The following MSH6 variants were observed in gnomAD, a reference collection of about 807,000 sequenced individuals.
The protein encoded by MSH6 is DNA mismatch repair protein Msh6.
MSH6 carries 85 observed loss-of-function variants against 119.1 expected under a neutral mutation model. The ratio of observed to expected loss-of-function variants is 0.71; its 90% CI spans 0.60 to 0.85. The LOEUF (loss-of-function observed/expected upper bound fraction) is 0.85. MSH6 is among the 40% of genes least tolerant of loss of function. MSH6 has a pLI of 0.00. For synonymous variants in MSH6, 830 were observed against 586.9 expected, an observed-to-expected ratio of 1.41 and a Z score of -5.99; for missense variants, 2,163 against 1,655.3, an observed-to-expected ratio of 1.31 and a Z score of -5.32.
At chr2:47,808,434 A>C (rs548944255), downstream of MSH6, 9 of 1,576,256 alleles carry the variant, frequency 5.7e-6, no homozygotes, top group Non-Finnish European at 6.9e-6. Context: ...ACATCTAAAA[A>C]GCAAAAGCTT....
chr2:47,793,417 C>T (rs1558654349), intron 2 of MSH6, among the ~76,000 whole-genome samples: 1 of 148,782 alleles, frequency 6.7e-6, no homozygotes, highest in Non-Finnish European at 1.5e-5. Context: ...ATCACGAGGT[C>T]AGGCGTTCGA....
intron 2 of MSH6, among the ~76,000 whole-genome samples, chr2:47,795,314 A>G (rs1178718444): frequency 2.0e-5 from 3 of 151,944 alleles, no homozygotes; most frequent in Admixed American, 6.6e-5. Context: ...TTATTGATCT[A>G]TCTATATCAA....
chr2:47,808,101 T>A (rs1342162263), downstream of MSH6: 7 of 1,593,224 alleles, frequency 4.4e-6, no homozygotes, highest in Middle Eastern at 1.7e-4. Context: ...GCAGGACTTT[T>A]TCTTTAGGGA....
At position 47,791,142 on chromosome 2, in the gene MSH6, ATG is replaced by A. The variant is rs754767434; in HGVS notation, c.457+29_457+30del. On this transcript the variant is annotated intron_variant, in intron 2 of 9. Transcript: ENST00000234420. ...TATACAGGTAAGAGTCACTACTGCC[ATG>A]TGTGTGTGTTTGTGTGTGTGTGTGT... 3.7e-6 allele frequency: 6 copies of A among 1,602,202 alleles called. No individual in the cohort carries two copies. Among genetic ancestry groups the A allele is most frequent in the East Asian group, 2.2e-5 (1 of 44,824 alleles).
At chr2:47,809,151 A>T (rs370587312), downstream of MSH6, 6 of 1,499,938 alleles carry the variant, frequency 4.0e-6, no homozygotes, top group African/African-American at 8.4e-5. Flanking sequence ...ATATATTTCT[A>T]AGTTACCTGT....
intron 5 of MSH6, 32 bp downstream of exon 5, chr2:47,803,717 A>C: frequency 1.2e-6 from 2 of 1,613,704 alleles, no homozygotes; most frequent in African/African-American, 1.3e-5. Context: ...GTTATCAGAA[A>C]GTCATTTGTG....
At position 47,798,759 on chromosome 2, in the gene MSH6, G is replaced by A. The variant is rs1404814811; in HGVS notation, c.776G>A (p.Gly259Asp). The A allele has an allele frequency of 1.2e-6, 2 of 1,614,064 alleles. No individual in the cohort carries two copies. The highest frequency in any genetic ancestry group is 2.7e-5 in the African/African-American group (2 of 74,924). Residue 259 changes from glycine to aspartate, a missense_variant, in exon 4 of 10, where the codon GGT (glycine) becomes GAT (aspartate). Physicochemically the swap from Gly to Asp is moderately conservative, Grantham distance 94 (BLOSUM62 -1). Coordinates refer to ENST00000234420, the MANE Select transcript of MSH6 (RefSeq NM_000179.3). ...ATATCAGATTCTGAGAGTGACATTG[G>A]TGGCTCTGATGTGGAATTTAAGCCA... ...RVISDSESDI[G>D]GSDVEFKPDT... is the part of the protein sequence containing the mutation.
chr2:47,787,726 C>G (rs933492796), intron 1 of MSH6, among the ~76,000 whole-genome samples: 1 of 152,168 alleles, frequency 6.6e-6, no homozygotes, highest in African/African-American at 2.4e-5. Context: ...AAGTGATCCT[C>G]CCACCTCAGC....
At chr2:47,804,548 AAAG>A (rs58243978) in intron 5 of MSH6, among the ~76,000 whole-genome samples, 188 of 92,600 alleles carry the variant, frequency 2.0e-3, no homozygotes, top group Middle Eastern at 0.011. Context: ...AAAAAAAAAA[AAAG>A]GTGCAGAGAT....
At chr2:47,809,805 G>A, downstream of MSH6, 1 of 736,868 alleles carries the variant, frequency 1.4e-6, no homozygotes, top group Admixed American at 2.3e-5. Context: ...TTTTATAGAA[G>A]TACATTAACC....
At chr2:47,792,765 C>G (rs975337149) in intron 2 of MSH6, among the ~76,000 whole-genome samples, 3 of 151,656 alleles carry the variant, frequency 2.0e-5, no homozygotes, top group Admixed American at 6.6e-5. Flanking sequence ...CTCCTGGGCT[C>G]AAGTGATTCC....
At chr2:47,809,787 A>G, downstream of MSH6, 1 of 880,264 alleles carries the variant, frequency 1.1e-6, no homozygotes, top group Admixed American at 2.1e-5. Context: ...GCAAATGTAA[A>G]CTGCTTCTTT....
At chr2:47,792,868 T>C (rs891520610) in intron 2 of MSH6, among the ~76,000 whole-genome samples, 1 of 142,504 alleles carries the variant, frequency 7.0e-6, no homozygotes, top group Non-Finnish European at 1.6e-5. Context: ...TTTTTTTTTT[T>C]TTAAAGAGAT....
chr2:47,792,214 T>G (rs753086992), intron 2 of MSH6, among the ~76,000 whole-genome samples: 1 of 152,128 alleles, frequency 6.6e-6, no homozygotes, highest in Non-Finnish European at 1.5e-5. Context: ...GTCTCCAACT[T>G]CTGACCTCAG....
chr2:47,783,477 C>A lies in MSH6; in HGVS notation c.244C>A (p.Pro82Thr), dbSNP rs2103944233. The A allele has an allele frequency of 7.0e-7, 1 of 1,435,576 alleles. No individual in the cohort carries two copies. 88.9% of individuals were successfully genotyped at this position (1,435,576 alleles called of 1,614,324 possible). A position where few individuals can be genotyped will look rare whatever the true frequency, so the allele number is the denominator to read the frequency against. ...LNGGLRRSVA[P>T]AAPTSCDFSP... ...CGGAGGGCTGCGGAGATCGGTAGCG[C>A]CTGCTGCCCCCACCAGGTAGCGGGG... is the stretch of plus-strand genomic sequence containing the variant. Residue 82 changes from proline to threonine, a missense_variant, in exon 1 of 10, where the codon CCT (proline) becomes ACT (threonine). Pro to Thr is a conservative substitution (Grantham distance 38, BLOSUM62 -1). Transcript: ENST00000234420.
chr2:47,809,648 G>A (rs2104626076), downstream of MSH6: 2 of 1,613,422 alleles, frequency 1.2e-6, no homozygotes, highest in Non-Finnish European at 1.7e-6. Context: ...CCTCCAAACC[G>A]GTTGTTAAAA....
At chr2:47,805,145 A>G in intron 6 of MSH6, 118 bp downstream of exon 6, 2 of 766,118 alleles carry the variant, frequency 2.6e-6, no homozygotes, top group South Asian at 1.5e-5. Flanking sequence ...GTGTTACTTT[A>G]AAAACATCAC....
Position 47,801,141 on chromosome 2 carries a change from G to T in MSH6, c.3158G>T (p.Cys1053Phe). 1 of 1,610,804 alleles carries T rather than the reference G, an allele frequency of 6.2e-7. No individual in the cohort carries two copies. Among genetic ancestry groups the T allele is most frequent in the Non-Finnish European group, 8.5e-7 (1 of 1,179,978 alleles). ...NYKDWQSAVE[C>F]IAVLDVLLCL... Reference sequence around the variant, plus strand: ...AAGGACTGGCAGTCTGCTGTAGAGTGTATCGCAGTGTTGGGTAAGACTTTG... The same window carrying T: ...AAGGACTGGCAGTCTGCTGTAGAGTTTATCGCAGTGTTGGGTAAGACTTTG... The change falls in exon 4 of 10, where the codon TGT (cysteine) becomes TTT (phenylalanine). Residue 1053 changes from cysteine to phenylalanine, a missense_variant. By Grantham distance (205) the Cys-to-Phe change is radical. Transcript: ENST00000234420.
At chr2:47,788,922 GTTTTTTTTTTTTTTTTTTT>G (rs1558650240) in intron 1 of MSH6, among the ~76,000 whole-genome samples, 2 of 40,952 alleles carry the variant, frequency 4.9e-5, no homozygotes, top group East Asian at 9.0e-4. Flanking sequence ...TTTTTTTTTT[GTTTTTTTTTTTTTTTTTTT>G]TTTTTTGTGA....
Sources: allele counts gnomAD v4.1 joint callset (sites outside exome capture counted in the v4.1 genomes callset), GRCh38; gene constraint gnomAD v4.1.1; transcripts MANE v1.5; gene names NCBI Gene and HGNC (gene_info 2026-07-23, HGNC 2026-07-21).